Variants in EFR3B observed in about 807,000 individuals in gnomAD.
EFR3B encodes protein EFR3 homolog B.
In EFR3B, 64 loss-of-function variants were observed where a neutral mutation model predicts 104.7. The ratio of observed to expected loss-of-function variants is 0.61; its 90% CI spans 0.50 to 0.75. The LOEUF (loss-of-function observed/expected upper bound fraction) is 0.75. EFR3B is among the 30% of genes least tolerant of loss of function. The probability of loss-of-function intolerance (pLI) is 0.00; values close to 1 mark genes in which losing one functional copy is unlikely to be tolerated. For synonymous variants in EFR3B, 385 were observed against 417.9 expected (o/e 0.92, Z 0.96); for missense variants, 750 against 1,078.5 (o/e 0.70, Z 4.27).
Position 25,068,134 on chromosome 2 carries a change from T to G in EFR3B, c.8-23191T>G, listed in dbSNP as rs1668387866. 2.6e-5 allele frequency among the ~76,000 whole-genome samples: 4 copies of G among 152,170 alleles called. No homozygotes were observed. In the South Asian group the frequency reaches 8.3e-4, roughly 32 times the overall value. ...AGGAAAAGCATCCATGCTTCTCCTG[T>G]GGTGCTCTCACCCCTGGTTCTCCTG... On this transcript the variant is annotated intron_variant, in intron 1 of 22. Transcript: ENST00000403714.
chr2:25,081,744 A>AT, intron 1 of EFR3B: 1 of 442,930 alleles, frequency 2.3e-6, no homozygotes, highest in Non-Finnish European at 4.0e-6. Flanking sequence ...GGCCCCTGGA[A>AT]TTTTTTTAGA....
intron 1 of EFR3B, among the ~76,000 whole-genome samples, chr2:25,051,484 A>G (rs1346782814): frequency 2.0e-5 from 3 of 152,002 alleles, no homozygotes; most frequent in Non-Finnish European, 4.4e-5. Flanking sequence ...TGCTTTCACC[A>G]TCTCAGGAGG....
chr2:25,074,552 G>T (rs576283259), intron 1 of EFR3B, among the ~76,000 whole-genome samples: 85 of 151,280 alleles, frequency 5.6e-4, no homozygotes, highest in Middle Eastern at 7.0e-3. Flanking sequence ...GTGACAGAGC[G>T]AGACTCCATC....
chr2:25,123,757 G>C (rs929322234), intron 5 of EFR3B, among the ~76,000 whole-genome samples: 1 of 152,250 alleles, frequency 6.6e-6, no homozygotes, highest in African/African-American at 2.4e-5. Flanking sequence ...TCCCAGGGTG[G>C]TGGGGGAGTG....
At chr2:25,097,578 ACT>A (rs373779152) in intron 3 of EFR3B, among the ~76,000 whole-genome samples, 47 of 152,020 alleles carry the variant, frequency 3.1e-4, no homozygotes, top group African/African-American at 1.1e-3. Flanking sequence ...TTGTGTGTGG[ACT>A]CTGGCTCATA....
intron 4 of EFR3B, among the ~76,000 whole-genome samples, chr2:25,110,346 T>G (rs1669691079): frequency 1.3e-5 from 2 of 152,094 alleles, no homozygotes; most frequent in Admixed American, 1.3e-4. Flanking sequence ...CGTTAGGAGT[T>G]TACCTGGGCT....
chr2:25,090,045 C>G (rs1391229983), intron 1 of EFR3B, among the ~76,000 whole-genome samples: 2 of 151,272 alleles, frequency 1.3e-5, no homozygotes. Flanking sequence ...CTTTTCTCCG[C>G]CCTATGTAAA....
chr2:25,120,599 G>A (rs6545953), intron 4 of EFR3B, among the ~76,000 whole-genome samples: 49,434 of 151,580 alleles, frequency 0.33, 8,847 homozygotes, highest in East Asian at 0.53. Context: ...AGCTGAGATC[G>A]CGCCACTGCA....
Position 25,143,807 on chromosome 2 carries a change from A to G in EFR3B, c.1995A>G (p.Gly665=). ...AGAGCAAGATCAGTGAAGTCCTGGG[A>G]GGCAGTGGCTACAACTCGGACCGGC... ...FRQSKISEVL[G]GSGYNSDRLC... Residue 665 remains glycine (G), a synonymous_variant, in exon 18 of 23, where the codon GGA becomes GGG. Coordinates refer to ENST00000403714, the MANE Select transcript of EFR3B (RefSeq NM_014971.2). The G allele has an allele frequency of 6.4e-7, 1 of 1,551,618 alleles. No homozygotes were observed. Among genetic ancestry groups the G allele is most frequent in the Non-Finnish European group, 8.7e-7 (1 of 1,146,996 alleles).
Position 25,128,108 on chromosome 2 carries a change from CTT to C in EFR3B, c.486-74_486-73del, listed in dbSNP as rs1670216276. 47 of 1,517,118 alleles carry C rather than the reference CTT, an allele frequency of 3.1e-5. No homozygotes were observed. In the East Asian group the frequency reaches 1.1e-3, roughly 36 times the overall value. The allele number at this position is 1,517,118 out of a possible 1,614,324, so 94.0% of individuals were successfully genotyped here. On this transcript the variant is annotated intron_variant, in intron 5 of 22. Transcript: ENST00000403714. ...GTATCCCTGACTCCTAAGCTGTGCT[CTT>C]CTCTTAGCCACCGAAGCTGGACTTC...
intron 1 of EFR3B, among the ~76,000 whole-genome samples, chr2:25,052,057 A>T (rs1391660613): frequency 2.0e-5 from 3 of 151,516 alleles, no homozygotes; most frequent in Non-Finnish European, 4.4e-5. Context: ...TTAGCCGAGC[A>T]TGGTGGCACA....
rs1426613243 is a variant in EFR3B, at chr2:25,060,942, C to CAAT, written c.7+18625_7+18626insTAA. ...AATCAAAAAACAAACAAACAAACAA[C>CAAT]AACAACAACAAAAACCAAAAAACTA... On this transcript the variant is annotated intron_variant, in intron 1 of 22. Transcript: ENST00000403714. 2.0e-5 allele frequency among the ~76,000 whole-genome samples: 3 copies of CAAT among 149,532 alleles called. No individual in the cohort carries two copies. The East Asian group carries it at 6.0e-4, about 30-fold the overall frequency.
chr2:25,059,594 T>C (rs1303028819), intron 1 of EFR3B, among the ~76,000 whole-genome samples: 1 of 121,744 alleles, frequency 8.2e-6, no homozygotes, highest in East Asian at 2.5e-4. Flanking sequence ...GGGTGGAGAT[T>C]GGGGAATTGT....
At chr2:25,062,671 G>C (rs1443829570) in intron 1 of EFR3B, among the ~76,000 whole-genome samples, 6 of 152,248 alleles carry the variant, frequency 3.9e-5, no homozygotes, top group African/African-American at 9.6e-5. Context: ...GTAGCAAGCA[G>C]AGGAAGCTGA....
intron 1 of EFR3B, among the ~76,000 whole-genome samples, chr2:25,076,771 C>G (rs1178976393): frequency 6.6e-6 from 1 of 152,164 alleles, no homozygotes; most frequent in Non-Finnish European, 1.5e-5. Flanking sequence ...TCCCCATCCT[C>G]AATTAAGGTG....
intron 1 of EFR3B, among the ~76,000 whole-genome samples, chr2:25,082,619 G>A (rs1297988560): frequency 6.6e-6 from 1 of 152,172 alleles, no homozygotes; most frequent in East Asian, 1.9e-4. Context: ...TGAAATTCAT[G>A]ATTGCTTTTC....
At chr2:25,149,235 C>A (rs1670935981) in intron 19 of EFR3B, among the ~76,000 whole-genome samples, 1 of 152,144 alleles carries the variant, frequency 6.6e-6, no homozygotes, top group Admixed American at 6.5e-5. Flanking sequence ...ATAATCCCAG[C>A]TACTTGGGAG....
At chr2:25,073,785 G>T (rs1257417610) in intron 1 of EFR3B, among the ~76,000 whole-genome samples, 1 of 152,108 alleles carries the variant, frequency 6.6e-6, no homozygotes, top group African/African-American at 2.4e-5. Context: ...TCTCTTGCCA[G>T]GACCCCCTTT....
At chr2:25,053,810 G>C (rs980766381) in intron 1 of EFR3B, among the ~76,000 whole-genome samples, 4 of 152,202 alleles carry the variant, frequency 2.6e-5, no homozygotes, top group Non-Finnish European at 5.9e-5. Context: ...AGGAGGCTGA[G>C]GCAGGAGAAT....
Sources: gnomAD v4.1 joint callset for allele counts (sites outside exome capture counted in the v4.1 genomes callset) on GRCh38, gnomAD v4.1.1 for gene constraint, MANE v1.5 for transcripts, NCBI Gene and HGNC (gene_info 2026-07-23, HGNC 2026-07-21) for gene names.